The following ARHGAP26 variants were observed in gnomAD, a reference collection of about 807,000 sequenced individuals.
ARHGAP26 encodes the protein rho GTPase-activating protein 26.
Under a neutral mutation model 104.8 loss-of-function variants are expected in ARHGAP26, and 38 were observed. The observed-to-expected ratio is 0.36, with a 90% CI of 0.28 to 0.48. The LOEUF is 0.48. ARHGAP26 is among the 20% of genes least tolerant of loss of function. The probability of loss-of-function intolerance (pLI) is 0.99; values close to 1 mark genes in which losing one functional copy is unlikely to be tolerated. For missense variants in ARHGAP26, 704 were observed against 947.9 expected (o/e 0.74, Z 3.38); for synonymous variants, 341 against 340.0 (o/e 1.00, Z -0.03).
intron 20 of ARHGAP26, among the ~76,000 whole-genome samples, chr5:143,199,351 A>G (rs936099068): frequency 6.6e-6 from 1 of 152,196 alleles, no homozygotes; most frequent in Non-Finnish European, 1.5e-5. Context: ...TCAGATTTTC[A>G]ACAGATAAAA....
At chr5:142,933,640 G>A (rs1000607099) in intron 11 of ARHGAP26, among the ~76,000 whole-genome samples, 3 of 152,184 alleles carry the variant, frequency 2.0e-5, no homozygotes, top group African/African-American at 7.2e-5. Context: ...GAGGATGAAA[G>A]CATTTCGAAG....
chr5:143,194,872 CCTGCGCCAGCCATTGTGG>C (rs148429010), intron 20 of ARHGAP26, among the ~76,000 whole-genome samples: 2,903 of 152,232 alleles, frequency 0.019, 116 homozygotes, highest in African/African-American at 0.065. Flanking sequence ...TCCATGGCAG[CCTGCGCCAGCCATTGTGG>C]AGGGCCAGCG....
chr5:143,094,852 A>G (rs1180311538), intron 17 of ARHGAP26, among the ~76,000 whole-genome samples: 1 of 152,166 alleles, frequency 6.6e-6, no homozygotes, highest in Non-Finnish European at 1.5e-5. Flanking sequence ...GGTAATGGGA[A>G]TGAGTCGGGG....
intron 5 of ARHGAP26, among the ~76,000 whole-genome samples, chr5:142,891,719 G>T (rs563802716): frequency 1.3e-5 from 2 of 152,030 alleles, no homozygotes; most frequent in South Asian, 4.1e-4. Flanking sequence ...TTTGGGAGCT[G>T]TGTCTTAGTA....
intron 11 of ARHGAP26, among the ~76,000 whole-genome samples, chr5:142,999,144 A>G (rs188374026): frequency 2.0e-5 from 3 of 152,332 alleles, no homozygotes; most frequent in Non-Finnish European, 4.4e-5. Context: ...AAATTAAGAT[A>G]CAGAGAGACG....
At chr5:143,023,438 A>G (rs1238381782) in intron 12 of ARHGAP26, among the ~76,000 whole-genome samples, 1 of 151,520 alleles carries the variant, frequency 6.6e-6, no homozygotes, top group Non-Finnish European at 1.5e-5. Flanking sequence ...CGCCTGGGCC[A>G]CTATTTTTAA....
intron 11 of ARHGAP26, among the ~76,000 whole-genome samples, chr5:142,975,076 C>T (rs1209075386): frequency 6.6e-6 from 1 of 152,168 alleles, no homozygotes; most frequent in Non-Finnish European, 1.5e-5. Flanking sequence ...TGGCCCTCCC[C>T]TACAGTTCTG....
intron 12 of ARHGAP26, among the ~76,000 whole-genome samples, chr5:143,031,322 C>A (rs757465875): frequency 2.0e-5 from 3 of 152,204 alleles, no homozygotes; most frequent in Non-Finnish European, 2.9e-5. Flanking sequence ...ATAGGGGCTG[C>A]AATGCAGAGG....
In ARHGAP26 at chr5:143,228,502, C is replaced by G. The variant is rs573050875; in HGVS notation, c.*6056C>G. 1 of 219,630 alleles carries G rather than the reference C, an allele frequency of 4.6e-6. No homozygotes were observed. Among genetic ancestry groups the G allele is most frequent in the Non-Finnish European group, 9.1e-6 (1 of 109,352 alleles). 13.6% of individuals were successfully genotyped at this position (219,630 alleles called of 1,614,324 possible). On this transcript the variant is annotated 3_prime_UTR_variant, in exon 23 of 23. Coordinates refer to ENST00000645722, the MANE Select transcript of ARHGAP26 (RefSeq NM_001135608.3). Reference sequence around the variant, plus strand: ...TTTGTTAACTTACTTAAAGTCATGTCGCAAGAAAGATCAAACCCATGAATG... The same window carrying G: ...TTTGTTAACTTACTTAAAGTCATGTGGCAAGAAAGATCAAACCCATGAATG...
At chr5:143,102,368 T>G (rs1793372192) in intron 17 of ARHGAP26, among the ~76,000 whole-genome samples, 1 of 152,200 alleles carries the variant, frequency 6.6e-6, no homozygotes, top group African/African-American at 2.4e-5. Context: ...TTTCAGAGGT[T>G]TCCCTTCATT....
chr5:142,955,551 C>A (rs1180044811), intron 11 of ARHGAP26, among the ~76,000 whole-genome samples: 1 of 152,116 alleles, frequency 6.6e-6, no homozygotes, highest in East Asian at 1.9e-4. Context: ...TGGCACAACA[C>A]TTATGGGGAT....
intron 9 of ARHGAP26, among the ~76,000 whole-genome samples, chr5:142,911,119 T>C (rs1761769688): frequency 6.6e-6 from 1 of 152,184 alleles, no homozygotes; most frequent in Non-Finnish European, 1.5e-5. Context: ...ACCCTGTGTG[T>C]GACGGAAGAA....
At chr5:143,173,939 G>A (rs150333341) in intron 20 of ARHGAP26, among the ~76,000 whole-genome samples, 2 of 152,312 alleles carry the variant, frequency 1.3e-5, no homozygotes, top group African/African-American at 4.8e-5. Flanking sequence ...GCAAAACTAA[G>A]TAGCTCCTCT....
intron 18 of ARHGAP26, among the ~76,000 whole-genome samples, chr5:143,123,969 A>ACACG (rs1340654924): frequency 6.6e-6 from 1 of 152,118 alleles, no homozygotes; most frequent in Non-Finnish European, 1.5e-5. Context: ...ATAGAAACAC[A>ACACG]CACACACACA....
chr5:143,121,608 T>C (rs1796142330), intron 18 of ARHGAP26, among the ~76,000 whole-genome samples: 1 of 152,242 alleles, frequency 6.6e-6, no homozygotes, highest in Non-Finnish European at 1.5e-5. Context: ...TTTTGACCTA[T>C]AGTTTGTCTT....
At chr5:143,022,238 A>G (rs375533181) in intron 12 of ARHGAP26, among the ~76,000 whole-genome samples, 2 of 151,688 alleles carry the variant, frequency 1.3e-5, no homozygotes, top group South Asian at 4.2e-4. Flanking sequence ...CACCTGGCTA[A>G]TTTTTTTTAT....
intron 20 of ARHGAP26, among the ~76,000 whole-genome samples, chr5:143,182,688 C>T (rs1200120980): frequency 6.6e-6 from 1 of 152,174 alleles, no homozygotes; most frequent in African/African-American, 2.4e-5. Context: ...TTTTTATATA[C>T]TCATAGCCCT....
intron 1 of ARHGAP26, among the ~76,000 whole-genome samples, chr5:142,830,411 G>A (rs1271453814): frequency 6.6e-6 from 1 of 152,184 alleles, no homozygotes; most frequent in Non-Finnish European, 1.5e-5. Context: ...TGGAGGGTAG[G>A]AAGGGGAAGT....
intron 20 of ARHGAP26, among the ~76,000 whole-genome samples, chr5:143,184,447 C>T (rs1480296743): frequency 3.9e-5 from 6 of 152,092 alleles, no homozygotes; most frequent in Admixed American, 2.0e-4. Flanking sequence ...CTGGAGGTGC[C>T]GTGGGTGGGG....
Sources: allele counts gnomAD v4.1 joint callset (sites outside exome capture counted in the v4.1 genomes callset), GRCh38; gene constraint gnomAD v4.1.1; transcripts MANE v1.5; gene names NCBI Gene and HGNC (gene_info 2026-07-23, HGNC 2026-07-21).